Variants in DNAH11 observed in about 807,000 individuals in gnomAD.
DNAH11 encodes axonemal beta dynein heavy chain 11.
A neutral mutation model predicts 526.0 loss-of-function variants in DNAH11; 442 were observed. The observed-to-expected ratio is 0.84, with a 90% CI of 0.78 to 0.91. DNAH11 has a LOEUF of 0.91. Ranked by LOEUF, DNAH11 falls within the 40% of genes least tolerant of loss-of-function variation. The pLI, the probability that DNAH11 is intolerant of heterozygous loss-of-function variation, is 0.00. For missense variants in DNAH11, 6,989 were observed against 5,448.7 expected, an observed-to-expected ratio of 1.28 and a Z score of -8.90; for synonymous variants, 2,461 against 1,935.9, an observed-to-expected ratio of 1.27 and a Z score of -7.12.
chr7:21,546,070 C>G (rs1399499655), intron 2 of DNAH11, among the ~76,000 whole-genome samples: 1 of 152,192 alleles, frequency 6.6e-6, no homozygotes, highest in Non-Finnish European at 1.5e-5. Flanking sequence ...TCTACAAGGC[C>G]AATTTCTAAA....
chr7:21,668,569 A>G (rs546235423), intron 30 of DNAH11, among the ~76,000 whole-genome samples: 2 of 152,282 alleles, frequency 1.3e-5, no homozygotes, highest in African/African-American at 2.4e-5. Context: ...GCCAGCATCC[A>G]TGACTTGTTA....
chr7:21,868,943 A>C lies in DNAH11; in HGVS notation c.11919A>C (p.Glu3973Asp). The change falls in exon 73 of 82, where the codon GAA (glutamate) becomes GAC (aspartate). Residue 3973 changes from glutamate (E) to aspartate (D), a missense_variant. Coordinates refer to ENST00000409508, the MANE Select transcript of DNAH11 (RefSeq NM_001277115.2). ...GACAAGGTCAGGAGACGGTGGCAGAAGTGGCCCTGGAGAAAGCTTCCAAAG... is the reference window on the plus strand; with the variant it reads ...GACAAGGTCAGGAGACGGTGGCAGACGTGGCCCTGGAGAAAGCTTCCAAAG... ...SLGQGQETVA[E>D]VALEKASKGG... is the part of the protein sequence containing the mutation. The C allele has an allele frequency of 6.2e-7, 1 of 1,614,010 alleles. No individual in the cohort carries two copies. The highest frequency in any genetic ancestry group is 1.3e-5 in the African/African-American group (1 of 75,044).
In DNAH11 at chr7:21,591,229, C is replaced by T; in HGVS notation, c.2319C>T (p.Leu773=). The change falls in exon 14 of 82, where the codon CTC becomes CTT. Residue 773 remains leucine (L), a synonymous_variant. Transcript: ENST00000409508. The part of the protein sequence containing the change: ...LDLLVQGYNK[L]KQTLLEVEYP... ...TTCTTGTGCAAGGGTATAATAAACT[C>T]AAACAGACGCTCCTGGAAGTTGAAT... 1 of 1,579,624 alleles carries T rather than the reference C, an allele frequency of 6.3e-7. No individual in the cohort carries two copies. The highest frequency in any genetic ancestry group is 1.2e-5 in the South Asian group (1 of 85,796).
chr7:21,601,599 A>C lies in DNAH11; in HGVS notation c.3629A>C (p.Gln1210Pro). 3 of 1,588,744 alleles carry C rather than the reference A, an allele frequency of 1.9e-6. No homozygotes were observed. The highest frequency in any genetic ancestry group is 8.6e-7 in the Non-Finnish European group (1 of 1,162,968). Residue 1210 changes from glutamine (Q) to proline (P), a missense_variant, in exon 18 of 82, where the codon CAG becomes CCG. Gln to Pro is a moderately conservative substitution (Grantham distance 76, BLOSUM62 -1). Transcript: ENST00000409508. The stretch of plus-strand genomic sequence containing the variant: ...AGCTATGGCCAGAAGATGCCTGAGC[A>C]GGTCTATATTCAGCTAGAGGTAAGT... ...LESYGQKMPE[Q>P]VYIQLEELPE...
chr7:21,829,630 C>A (rs1790460166), intron 65 of DNAH11, among the ~76,000 whole-genome samples: 1 of 152,152 alleles, frequency 6.6e-6, no homozygotes, highest in Non-Finnish European at 1.5e-5. Context: ...TATCTGATAG[C>A]TAAATAAATG....
intron 18 of DNAH11, among the ~76,000 whole-genome samples, chr7:21,604,425 A>C (rs946121191): frequency 3.9e-5 from 6 of 152,176 alleles, no homozygotes; most frequent in African/African-American, 9.7e-5. Flanking sequence ...TGCAGGACTT[A>C]TCCAGTCCCT....
At chr7:21,750,160 A>G in intron 53 of DNAH11, 62 bp from the exon 54 acceptor site, 1 of 1,492,740 alleles carries the variant, frequency 6.7e-7, no homozygotes, top group South Asian at 1.3e-5. Context: ...AACGTTTAAA[A>G]GTTATATGTA....
At chr7:21,592,940 A>G (rs1306329196) in intron 14 of DNAH11, among the ~76,000 whole-genome samples, 1 of 152,184 alleles carries the variant, frequency 6.6e-6, no homozygotes, top group Non-Finnish European at 1.5e-5. Context: ...GTCCTAAGGG[A>G]CATTTTGAGT....
At chr7:21,645,951 T>C (rs944721350) in intron 28 of DNAH11, among the ~76,000 whole-genome samples, 4 of 152,150 alleles carry the variant, frequency 2.6e-5, no homozygotes, top group African/African-American at 9.7e-5. Context: ...TAAATTTGAC[T>C]ATGTTAAAAT....
At chr7:21,639,155 T>C (rs1787009258) in intron 28 of DNAH11, 90 bp downstream of exon 28, 4 of 1,428,376 alleles carry the variant, frequency 2.8e-6, no homozygotes. Flanking sequence ...ACCTGTCATG[T>C]CACGTGGGCC....
At chr7:21,799,360 G>A (rs900196253) in intron 61 of DNAH11, among the ~76,000 whole-genome samples, 4 of 150,714 alleles carry the variant, frequency 2.7e-5, no homozygotes, top group Admixed American at 2.6e-4. Context: ...TTTTTAAGAC[G>A]GAGTCTTGCT....
chr7:21,764,749 A>C (rs895726676), intron 54 of DNAH11, among the ~76,000 whole-genome samples: 13 of 152,234 alleles, frequency 8.5e-5, no homozygotes, highest in Non-Finnish European at 1.8e-4. Context: ...TCCCTAAAAA[A>C]AGTACGGAAG....
chr7:21,739,683 T>C lies in DNAH11; in HGVS notation c.7914+10T>C. 1 of 1,596,306 alleles carries C rather than the reference T, an allele frequency of 6.3e-7. No homozygotes were observed. The highest frequency in any genetic ancestry group is 1.3e-5 in the African/African-American group (1 of 74,750). On this transcript the variant is annotated intron_variant, in intron 48 of 81. Transcript: ENST00000409508. ...CAATCCCAGGCTACAGGTAGGGTGT[T>C]GAATACTGCTCTCAAAAACTGTAGG...
intron 55 of DNAH11, among the ~76,000 whole-genome samples, chr7:21,769,236 C>T (rs1787316703): frequency 6.6e-6 from 1 of 152,184 alleles, no homozygotes; most frequent in South Asian, 2.1e-4. Context: ...TAGTTGTAAA[C>T]ATCCTTCCCC....
intron 45 of DNAH11, among the ~76,000 whole-genome samples, chr7:21,733,600 G>A (rs1473087763): frequency 3.3e-5 from 5 of 152,298 alleles, no homozygotes; most frequent in South Asian, 2.1e-4. Flanking sequence ...GCACCTTAGC[G>A]ATGATATCTT....
rs749885077 is a variant in DNAH11, at chr7:21,600,948, C to T, written c.3255+18C>T. On this transcript the variant is annotated intron_variant, in intron 16 of 81. Coordinates refer to ENST00000409508, the MANE Select transcript of DNAH11 (RefSeq NM_001277115.2). ...AAGAACAGGCAAGGAAAACCCTTAG[C>T]ATTTAATGTAGTGAAATGGCTTTTC... The T allele has an allele frequency of 1.2e-6, 2 of 1,612,396 alleles. No individual in the cohort carries two copies. Among genetic ancestry groups the T allele is most frequent in the Non-Finnish European group, 1.7e-6 (2 of 1,179,478 alleles).
chr7:21,774,275 C>G (rs1036365584), intron 56 of DNAH11, among the ~76,000 whole-genome samples: 11 of 152,140 alleles, frequency 7.2e-5, no homozygotes, highest in African/African-American at 2.4e-4. Context: ...GATTGCCTCT[C>G]TTGTCTCTGA....
At chr7:21,798,772 T>C (rs904357908) in intron 61 of DNAH11, among the ~76,000 whole-genome samples, 1 of 152,232 alleles carries the variant, frequency 6.6e-6, no homozygotes, top group African/African-American at 2.4e-5. Flanking sequence ...CAATAGCAGG[T>C]ATAAGAATCT....
At chr7:21,889,474 G>C (rs1182015239) in intron 76 of DNAH11, among the ~76,000 whole-genome samples, 1 of 152,176 alleles carries the variant, frequency 6.6e-6, no homozygotes, top group Non-Finnish European at 1.5e-5. Flanking sequence ...CCACCAAACT[G>C]TTTTTTAAAT....
Sources: gnomAD v4.1 joint callset for allele counts (sites outside exome capture counted in the v4.1 genomes callset) on GRCh38, gnomAD v4.1.1 for gene constraint, MANE v1.5 for transcripts, NCBI Gene and HGNC (gene_info 2026-07-23, HGNC 2026-07-21) for gene names.